Variants in PTPRS observed in about 807,000 individuals in gnomAD.
PTPRS encodes receptor-type tyrosine-protein phosphatase S.
In PTPRS, 63 loss-of-function variants were observed where a neutral mutation model predicts 215.3. The ratio of observed to expected loss-of-function variants is 0.29; its 90% confidence interval spans 0.24 to 0.36. The LOEUF is 0.36. Among genes scored for constraint, PTPRS ranks in the 10% least tolerant of loss-of-function variants. The pLI is 1.00. For missense variants in PTPRS, 2,258 were observed against 2,825.8 expected, an observed-to-expected ratio of 0.80 and a Z score of 4.56; for synonymous variants, 1,404 against 1,191.4, an observed-to-expected ratio of 1.18 and a Z score of -3.68.
intron 7 of PTPRS, 135 bp downstream of exon 7, chr19:5,260,670 C>A (rs2045917798): frequency 2.5e-6 from 3 of 1,200,334 alleles, no homozygotes; most frequent in Non-Finnish European, 1.2e-6. Context: ...ACCGGACTAA[C>A]ACTGGGTGGA....
rs566946597 is a variant in PTPRS, at chr19:5,313,569, G to A, written c.-95+27095C>T. On this transcript the variant is annotated intron_variant, in intron 1 of 37. Coordinates refer to ENST00000262963, the MANE Select transcript of PTPRS (RefSeq NM_002850.4). Reference sequence around the variant, plus strand: ...CGGCTGGCACTGAGCCAGAGTCAACGGGGACCTCCCTACCTGTCTCCGTGT... The same window carrying A: ...CGGCTGGCACTGAGCCAGAGTCAACAGGGACCTCCCTACCTGTCTCCGTGT... Among the ~76,000 whole-genome samples the A allele has an allele frequency of 1.0e-3, 157 of 152,270 alleles. 2 individuals carry two copies. In the South Asian group the frequency reaches 0.031, roughly 30 times the overall value.
rs901136801 is a variant in PTPRS at position 5,339,856 on chromosome 19, C to T, written c.-95+808G>A. ...CCACTCTCGGGATCCCCACGGGGCC[C>T]CCAGCGCGGAGGGGAGACTGGGGTG... On this transcript the variant is annotated intron_variant, in intron 1 of 37. Transcript: ENST00000262963. This position sits in a 1 kb window ranked among gnomAD's most constrained non-coding sequence, Gnocchi z 4.2. Among the ~76,000 whole-genome samples the T allele has an allele frequency of 1.1e-4, 17 of 151,834 alleles. No homozygotes were observed. Among genetic ancestry groups the T allele is most frequent in the Admixed American group, 2.6e-4 (4 of 15,278 alleles).
chr19:5,302,562 C>A (rs1173032411), intron 1 of PTPRS, among the ~76,000 whole-genome samples: 4 of 152,192 alleles, frequency 2.6e-5, no homozygotes, highest in Non-Finnish European at 2.9e-5. Context: ...CGAACACCAG[C>A]AGCCGGATGG....
Position 5,229,529 on chromosome 19 carries a change from G to A in PTPRS, c.2311C>T (p.Pro771Ser), listed in dbSNP as rs1053239616. Residue 771 changes from proline to serine, a missense_variant, in exon 15 of 38, where the codon CCG (proline) becomes TCG (serine). Physicochemically the swap from Pro to Ser is moderately conservative, Grantham distance 74. Coordinates refer to ENST00000262963, the MANE Select transcript of PTPRS (RefSeq NM_002850.4). Reference sequence around the variant, plus strand: ...AGCATGACGTCCTTGATGCGCGGCGGCCCGCGGGCCTCGGCGCCCTCCATG... The same window carrying A: ...AGCATGACGTCCTTGATGCGCGGCGACCCGCGGGCCTCGGCGCCCTCCATG... ...VRMEGAEARG[P>S]PRIKDVMLAD... 4.1e-6 allele frequency: 6 copies of A among 1,465,118 alleles called. No homozygotes were observed. The African/African-American group carries it at 4.4e-5, about 11-fold the overall frequency. The allele number at this position is 1,465,118 out of a possible 1,614,324, so 90.8% of individuals were successfully genotyped here. A position where few individuals can be genotyped will look rare whatever the true frequency, so the allele number is the denominator to read the frequency against.
intron 1 of PTPRS, among the ~76,000 whole-genome samples, chr19:5,335,646 G>A (rs1217503146): frequency 1.3e-5 from 2 of 152,152 alleles, no homozygotes; most frequent in Non-Finnish European, 2.9e-5. Context: ...AAGGAGCAAG[G>A]CCACCCAGAT....
intron 23 of PTPRS, 172 bp from the exon 24 acceptor site, chr19:5,218,970 G>T: frequency 1.4e-6 from 1 of 707,978 alleles, no homozygotes; most frequent in Non-Finnish European, 2.3e-6. Context: ...CCTGCCTATC[G>T]ACACCACAAG....
rs115982731 is a variant in PTPRS, at chr19:5,244,317, G to A, written c.1154C>T (p.Thr385Ile). The A allele has an allele frequency of 3.7e-6, 6 of 1,614,254 alleles. No homozygotes were observed. Among genetic ancestry groups the A allele is most frequent in the Non-Finnish European group, 4.2e-6 (5 of 1,180,040 alleles). ...GCTCAGGCCGCCGATGCTGTAACGT[G>A]TGGTGGTGATGTCCTCTTTAATCTG... is the stretch of plus-strand genomic sequence containing the variant. ...PYQIKEDITT[T>I]RYSIGGLSPN... The change falls in exon 11 of 38, where the codon ACA (threonine) becomes ATA (isoleucine). Residue 385 changes from threonine (T) to isoleucine (I), a missense_variant. Thr to Ile is a moderately conservative substitution (Grantham distance 89). Transcript: ENST00000262963. The surrounding 1 kb of genome is among the most constrained non-coding windows in gnomAD (Gnocchi z 7.2).
At position 5,237,649 on chromosome 19, in the gene PTPRS, G is replaced by A. The variant is rs2043587146; in HGVS notation, c.1849+1270C>T. ...GCTGGGGCAGGCGGGGGGGCACGCG[G>A]GGTGGGCCGTTTTTGTGAACCTGCT... is the stretch of plus-strand genomic sequence containing the variant. On this transcript the variant is annotated intron_variant, in intron 13 of 37. Transcript: ENST00000262963. The surrounding 1 kb of genome is among the most constrained non-coding windows in gnomAD (Gnocchi z 4.2). Among the ~76,000 whole-genome samples the A allele has an allele frequency of 6.6e-6, 1 of 152,174 alleles. No individual in the cohort carries two copies. The highest frequency in any genetic ancestry group is 2.4e-5 in the African/African-American group (1 of 41,446).
rs1220837004 is a variant in PTPRS, at chr19:5,293,103, C to T, written c.-94-6869G>A. The T allele has an allele frequency of 4.6e-5, 7 of 151,686 alleles. No individual in the cohort carries two copies. The highest frequency in any genetic ancestry group is 1.2e-4 in the African/African-American group (5 of 41,296). 9.4% of individuals were successfully genotyped at this position (151,686 alleles called of 1,614,324 possible). On this transcript the variant is annotated intron_variant, in intron 1 of 37. Transcript: ENST00000262963. This position sits in a 1 kb window ranked among gnomAD's most constrained non-coding sequence, Gnocchi z 8.4. ...AAGAGAGACAAAGCCCGGGGCGGCC[C>T]GGGCCTCGGGGTGGAAGGGGGTCCC...
intron 14 of PTPRS, among the ~76,000 whole-genome samples, chr19:5,230,265 G>C (rs1428307863): frequency 6.6e-6 from 1 of 152,200 alleles, no homozygotes; most frequent in Admixed American, 6.5e-5. Flanking sequence ...AAGGCAAATG[G>C]CTCAGAAAAC....
Position 5,223,219 on chromosome 19 carries a change from G to A in PTPRS, c.2573C>T (p.Thr858Ile). 1 of 1,503,740 alleles carries A rather than the reference G, an allele frequency of 6.7e-7. No homozygotes were observed. The highest frequency in any genetic ancestry group is 1.4e-5 in the African/African-American group (1 of 70,554). 93.1% of individuals were successfully genotyped at this position (1,503,740 alleles called of 1,614,324 possible). Residue 858 changes from threonine (T) to isoleucine (I), a missense_variant, in exon 18 of 38, where the codon ACC (threonine) becomes ATC (isoleucine). Around this residue, in one of 6 missense-constraint regions of PTPRS, gnomAD observed 361 missense variants for 332.6 expected, o/e 1.09. Coordinates refer to ENST00000262963, the MANE Select transcript of PTPRS (RefSeq NM_002850.4). ...GTAGCCCAGCACCTGGTCCTCCGCG[G>A]TGCCAGCCGGGGGCTCCCAGCGTGC... Reference protein sequence around the residue: ...LLARWEPPAGTAEDQVLGYRL... With the variant: ...LLARWEPPAGIAEDQVLGYRL...
chr19:5,276,592 G>A (rs1477773762), intron 2 of PTPRS, among the ~76,000 whole-genome samples: 3 of 151,736 alleles, frequency 2.0e-5, no homozygotes, highest in African/African-American at 7.3e-5. Flanking sequence ...CCAGGCTGGA[G>A]TGCAGTGGTG....
At chr19:5,221,997 T>C in intron 19 of PTPRS, 126 bp downstream of exon 19, 5 of 747,586 alleles carry the variant, frequency 6.7e-6, no homozygotes, top group South Asian at 3.2e-5. Context: ...CAATCCTAGC[T>C]GAGACCCATC....
chr19:5,315,363 T>C (rs867059279), intron 1 of PTPRS, among the ~76,000 whole-genome samples: 5,766 of 121,688 alleles, frequency 0.047, 513 homozygotes, highest in Middle Eastern at 0.066. Context: ...TTTTTTTTTT[T>C]TTTTTTTTTT....
At chr19:5,252,780 A>C (rs1448161998) in intron 9 of PTPRS, among the ~76,000 whole-genome samples, 1 of 145,524 alleles carries the variant, frequency 6.9e-6, no homozygotes, top group East Asian at 2.1e-4. Flanking sequence ...AGGCTGAGAC[A>C]GGAGAATCAT....
intron 30 of PTPRS, among the ~76,000 whole-genome samples, chr19:5,213,459 C>T (rs2041117533): frequency 6.6e-6 from 1 of 152,194 alleles, no homozygotes; most frequent in Non-Finnish European, 1.5e-5. Context: ...TCTTCCAGGT[C>T]CCTAACACTG....
At chr19:5,312,735 C>T (rs1265445534) in intron 1 of PTPRS, among the ~76,000 whole-genome samples, 7 of 151,704 alleles carry the variant, frequency 4.6e-5, no homozygotes, top group African/African-American at 9.7e-5. Flanking sequence ...TCACATACTG[C>T]GTGCCAGGCA....
chr19:5,331,580 C>T (rs1334381141), intron 1 of PTPRS, among the ~76,000 whole-genome samples: 1 of 152,076 alleles, frequency 6.6e-6, no homozygotes, highest in African/African-American at 2.4e-5. Flanking sequence ...ACATGACACC[C>T]AAAAATGTCC....
chr19:5,280,435 C>G (rs1264273091), intron 2 of PTPRS, among the ~76,000 whole-genome samples: 1 of 152,152 alleles, frequency 6.6e-6, no homozygotes, highest in Non-Finnish European at 1.5e-5. Context: ...GTCACTAGAC[C>G]TGGCCGGGCG....
Sources: allele counts gnomAD v4.1 joint callset (sites outside exome capture counted in the v4.1 genomes callset), GRCh38; gene constraint gnomAD v4.1.1; regional missense constraint gnomAD v4.1.1; non-coding constraint Gnocchi (gnomAD v3.1); transcripts MANE v1.5; gene names NCBI Gene and HGNC (gene_info 2026-07-23, HGNC 2026-07-21).